Variants in ZNF709 observed in about 807,000 individuals in gnomAD.
ZNF709 encodes the protein zinc finger protein 709.
Under a neutral mutation model 10.6 loss-of-function variants are expected in ZNF709, and 15 were observed. The ratio of observed to expected loss-of-function variants is 1.41; its 90% CI spans 0.95 to 2.18. The LOEUF (loss-of-function observed/expected upper bound fraction) is 2.18, where lower values mean the gene tolerates loss of function less well. Among genes scored for constraint, ZNF709 ranks in the 30% most tolerant of loss-of-function variants. ZNF709 has a pLI of 0.00. For missense variants in ZNF709, 589 were observed against 774.0 expected, an observed-to-expected ratio of 0.76 and a Z score of 2.84; for synonymous variants, 194 against 238.8, an observed-to-expected ratio of 0.81 and a Z score of 1.73.
intron 1 of ZNF709, among the ~76,000 whole-genome samples, chr19:12,470,839 A>C (rs930993070): frequency 6.6e-6 from 1 of 151,654 alleles, no homozygotes; most frequent in Admixed American, 6.6e-5. Context: ...AGGCAGGAGA[A>C]TGGCGTGAAC....
Position 12,464,568 on chromosome 19 carries a change from G to T in ZNF709, c.1354C>A (p.Gln452Lys), listed in dbSNP as rs755771829. 1.2e-5 allele frequency: 20 copies of T among 1,612,388 alleles called. No individual in the cohort carries two copies. The highest frequency in any genetic ancestry group is 1.6e-5 in the Non-Finnish European group (19 of 1,179,362). ...HTGEKPYECKQCGKAFSCSSS... is the reference protein window; with the variant it reads ...HTGEKPYECKKCGKAFSCSSS... ...GAACAACTGAAGGCTTTACCACACT[G>T]TTTACATTCATAGGGTTTCTCTCCA... Residue 452 changes from glutamine (Q) to lysine (K), a missense_variant, in exon 4 of 4, where the codon CAG becomes AAG. By Grantham distance (53) the Gln-to-Lys change is moderately conservative (BLOSUM62 1). Coordinates refer to ENST00000397732, the MANE Select transcript of ZNF709 (RefSeq NM_152601.4).
rs755361503 is a variant in ZNF709 at position 12,464,662 on chromosome 19, A to G, written c.1260T>C (p.His420=). 7 of 1,612,434 alleles carry G rather than the reference A, an allele frequency of 4.3e-6. No individual in the cohort carries two copies. Among genetic ancestry groups the G allele is most frequent in the African/African-American group, 4.0e-5 (3 of 74,896 alleles). ...HERTHTGEKP[H]ECKQCGKAFS... Reference sequence around the variant, plus strand: ...AGGCTTTACCACATTGTTTACATTCATGGGGTTTCTCTCCAGTGTGAGTTC... The same window carrying G: ...AGGCTTTACCACATTGTTTACATTCGTGGGGTTTCTCTCCAGTGTGAGTTC... The change falls in exon 4 of 4, where the codon CAT becomes CAC. Residue 420 remains histidine (H), a synonymous_variant. Coordinates refer to ENST00000397732, the MANE Select transcript of ZNF709 (RefSeq NM_152601.4).
rs538252570 is a variant in ZNF709 at position 12,472,910 on chromosome 19, G to A, written c.4-6060C>T. Among the ~76,000 whole-genome samples, 12 of 151,874 alleles carry A rather than the reference G, an allele frequency of 7.9e-5. No individual in the cohort carries two copies. The South Asian group carries it at 2.3e-3, about 29-fold the overall frequency. ...AAAAAAAAAGGAAAAGGTACATCTCGCTCCTTCCTTGATACAGCCAAATGA... is the reference window on the plus strand; with the variant it reads ...AAAAAAAAAGGAAAAGGTACATCTCACTCCTTCCTTGATACAGCCAAATGA... On this transcript the variant is annotated intron_variant, in intron 1 of 3. Transcript: ENST00000397732.
At chr19:12,478,261 C>T (rs1051054125) in intron 1 of ZNF709, among the ~76,000 whole-genome samples, 1 of 152,172 alleles carries the variant, frequency 6.6e-6, no homozygotes, top group African/African-American at 2.4e-5. Flanking sequence ...CACTCTAAAA[C>T]ACACAGATAA....
chr19:12,471,534 C>T (rs1329836363), intron 1 of ZNF709, among the ~76,000 whole-genome samples: 1 of 152,058 alleles, frequency 6.6e-6, no homozygotes, highest in East Asian at 1.9e-4. Context: ...TTTTGAAGAG[C>T]AACATAAATA....
chr19:12,466,371 G>C, intron 3 of ZNF709, 91 bp downstream of exon 3: 2 of 1,263,306 alleles, frequency 1.6e-6, no homozygotes, highest in Non-Finnish European at 2.2e-6. Flanking sequence ...ATGAAATGGG[G>C]CTTATTTGTT....
chr19:12,464,494 A>G lies in ZNF709; in HGVS notation c.1428T>C (p.Tyr476=). Reference sequence around the variant, plus strand: ...AGGCTTTACCACACTGTTTACATTCATAGGGTTTCTCTCCAGTGTGAATTC... The same window carrying G: ...AGGCTTTACCACACTGTTTACATTCGTAGGGTTTCTCTCCAGTGTGAATTC... ...HERIHTGEKP[Y]ECKQCGKAFS... The change falls in exon 4 of 4, where the codon TAT becomes TAC. Residue 476 remains tyrosine, a synonymous_variant. Transcript: ENST00000397732. The G allele has an allele frequency of 6.2e-7, 1 of 1,613,188 alleles. No homozygotes were observed. The highest frequency in any genetic ancestry group is 8.5e-7 in the Non-Finnish European group (1 of 1,179,620).
intron 1 of ZNF709, among the ~76,000 whole-genome samples, chr19:12,475,257 TAAAAAAA>T (rs71166684): frequency 2.0e-4 from 9 of 44,732 alleles, no homozygotes; most frequent in Admixed American, 3.5e-4. Context: ...GATTCCGTCT[TAAAAAAA>T]AAAAAAAAAA....
At chr19:12,465,937 A>C (rs946239461) in intron 3 of ZNF709, among the ~76,000 whole-genome samples, 13 of 140,902 alleles carry the variant, frequency 9.2e-5, no homozygotes, top group African/African-American at 1.3e-4. Flanking sequence ...CATAGAGTTT[A>C]TTTCTTTTTT....
Position 12,465,134 on chromosome 19 carries a change from T to C in ZNF709, c.788A>G (p.Tyr263Cys). ...TTCATGTATTTGAAAAGTTTGGTAA[T>C]ATCTGAAAGCTTTTCCACATTGTTT... is the stretch of plus-strand genomic sequence containing the variant. ...ECKQCGKAFR[Y>C]YQTFQIHERT... Residue 263 changes from tyrosine to cysteine, a missense_variant, in exon 4 of 4, where the codon TAT (tyrosine) becomes TGT (cysteine). This residue lies in a region of ZNF709 where 418 missense variants were observed against 496.3 expected (regional missense o/e 0.84). Coordinates refer to ENST00000397732, the MANE Select transcript of ZNF709 (RefSeq NM_152601.4). 5 of 1,611,364 alleles carry C rather than the reference T, an allele frequency of 3.1e-6. No homozygotes were observed. The highest frequency in any genetic ancestry group is 4.2e-6 in the Non-Finnish European group (5 of 1,179,128).
At chr19:12,471,286 A>G (rs2144996788) in intron 1 of ZNF709, among the ~76,000 whole-genome samples, 1 of 152,348 alleles carries the variant, frequency 6.6e-6, no homozygotes, top group Non-Finnish European at 1.5e-5. Flanking sequence ...TTATTGGGTA[A>G]TGTCAAAGCA....
At chr19:12,475,307 A>G (rs1970667394) in intron 1 of ZNF709, among the ~76,000 whole-genome samples, 1 of 151,204 alleles carries the variant, frequency 6.6e-6, no homozygotes, top group African/African-American at 2.4e-5. Flanking sequence ...TGAGGAAAGC[A>G]AGAAAATATG....
Position 12,484,711 on chromosome 19 carries a change from C to T in ZNF709, c.-54G>A, listed in dbSNP as rs1302675329. 1 of 1,613,476 alleles carries T rather than the reference C, an allele frequency of 6.2e-7. No homozygotes were observed. Among genetic ancestry groups the T allele is most frequent in the African/African-American group, 1.3e-5 (1 of 74,918 alleles). ...CTGTTTACCTCTCCCGCGGCCAGCA[C>T]AGGTCCTACCTCCACCTGAGGCCCT... On this transcript the variant is annotated 5_prime_UTR_variant, in exon 1 of 4. The change creates a new upstream start codon in the 5' untranslated region. Transcript: ENST00000397732.
chr19:12,469,496 C>T lies in ZNF709; in HGVS notation c.4-2646G>A, dbSNP rs572872641. 7.2e-5 allele frequency among the ~76,000 whole-genome samples: 11 copies of T among 152,162 alleles called. No individual in the cohort carries two copies. In the South Asian group the frequency reaches 8.3e-4, roughly 11 times the overall value. Reference sequence around the variant, plus strand: ...ATAAAAATTAAATCTTCACCAGGCGCGGTTGCTCACGCCTATAATCCCAGC... The same window carrying T: ...ATAAAAATTAAATCTTCACCAGGCGTGGTTGCTCACGCCTATAATCCCAGC... On this transcript the variant is annotated intron_variant, in intron 1 of 3. Coordinates refer to ENST00000397732, the MANE Select transcript of ZNF709 (RefSeq NM_152601.4).
At chr19:12,467,959 G>A (rs1230514971) in intron 1 of ZNF709, among the ~76,000 whole-genome samples, 22 of 149,446 alleles carry the variant, frequency 1.5e-4, no homozygotes, top group African/African-American at 4.3e-4. Context: ...ACGGCCAGCC[G>A]CCCCGTCCGG....
intron 3 of ZNF709, 37 bp from the exon 4 acceptor site, chr19:12,465,770 G>A (rs1970565182): frequency 1.5e-6 from 2 of 1,377,592 alleles, no homozygotes; most frequent in South Asian, 1.8e-5. Flanking sequence ...CACAATTAGT[G>A]GCTTTTTAAA....
At chr19:12,484,545 C>G in intron 1 of ZNF709, 110 bp downstream of exon 1, 1 of 1,467,632 alleles carries the variant, frequency 6.8e-7, no homozygotes, top group Non-Finnish European at 9.4e-7. Context: ...CTCGGGTCCA[C>G]AGACCCGGGA....
chr19:12,471,480 C>A (rs1970634314), intron 1 of ZNF709, among the ~76,000 whole-genome samples: 1 of 152,112 alleles, frequency 6.6e-6, no homozygotes, highest in Non-Finnish European at 1.5e-5. Flanking sequence ...AACTACTTTT[C>A]CAAACCTAAG....
chr19:12,467,531 T>G (rs572504664), intron 1 of ZNF709, among the ~76,000 whole-genome samples: 40 of 152,324 alleles, frequency 2.6e-4, no homozygotes, highest in Non-Finnish European at 4.7e-4. Flanking sequence ...CCTCCCAAAG[T>G]GCCGAGACTG....
Sources: gnomAD v4.1 joint callset for allele counts (sites outside exome capture counted in the v4.1 genomes callset) on GRCh38, gnomAD v4.1.1 for gene constraint, gnomAD v4.1.1 regional missense constraint, MANE v1.5 for transcripts, NCBI Gene and HGNC (gene_info 2026-07-23, HGNC 2026-07-21) for gene names.